Variants in NBAS observed in about 807,000 individuals in gnomAD.
The protein encoded by NBAS is NBAS subunit of NRZ tethering complex.
A neutral mutation model predicts 302.5 loss-of-function variants in NBAS; 219 were observed. The ratio of observed to expected loss-of-function variants is 0.72; its 90% CI spans 0.65 to 0.81. The LOEUF (loss-of-function observed/expected upper bound fraction) is 0.81, where lower values mean the gene tolerates loss of function less well. Among genes scored for constraint, NBAS ranks in the 30% least tolerant of loss-of-function variants. The pLI is 0.00. For synonymous variants in NBAS, 1,118 were observed against 1,021.6 expected (o/e 1.09, Z -1.80); for missense variants, 2,932 against 2,841.6 (o/e 1.03, Z -0.72).
intron 6 of NBAS, among the ~76,000 whole-genome samples, chr2:15,544,204 C>T (rs144908847): frequency 1.3e-3 from 195 of 152,152 alleles, no homozygotes; most frequent in African/African-American, 4.2e-3. Context: ...CAAGGGCAAA[C>T]TAGTGGGAGT....
At chr2:15,292,873 T>C (rs1022831851) in intron 40 of NBAS, 107 bp from the exon 41 acceptor site, 63 of 1,096,358 alleles carry the variant, frequency 5.7e-5, no homozygotes, top group Non-Finnish European at 8.1e-5. Flanking sequence ...TTTGGCCCTG[T>C]ACACTATTGC....
rs998498918 is a variant in NBAS, at chr2:15,394,124, T to A, written c.3257+103A>T. 4.8e-6 allele frequency: 6 copies of A among 1,252,966 alleles called. No individual in the cohort carries two copies. In the African/African-American group the frequency reaches 9.1e-5, roughly 19 times the overall value. 77.6% of individuals were successfully genotyped at this position (1,252,966 alleles called of 1,614,324 possible). A position where few individuals can be genotyped will look rare whatever the true frequency, so the allele number is the denominator to read the frequency against. On this transcript the variant is annotated intron_variant, in intron 28 of 51. Transcript: ENST00000281513. ...ATACTTACACTTTAAATATGTGCAG[T>A]TTATTATTAGTTATAACACAATGAG...
At chr2:15,283,778 C>T (rs887980651) in intron 42 of NBAS, among the ~76,000 whole-genome samples, 4 of 152,140 alleles carry the variant, frequency 2.6e-5, no homozygotes, top group South Asian at 2.1e-4. Context: ...CAGAAAACAG[C>T]GACTCGAAAG....
chr2:15,182,966 C>T (rs1664899312), intron 50 of NBAS, among the ~76,000 whole-genome samples: 1 of 152,032 alleles, frequency 6.6e-6, no homozygotes, highest in South Asian at 2.1e-4. Flanking sequence ...AAGGTGAGTA[C>T]TCTTAAGTAC....
rs146689204 is a variant in NBAS, at chr2:15,424,362, C to T, written c.2530G>A (p.Asp844Asn). ...TCCTCTGCTCTGGTCTGATACCAGTCCATAACCTTCTCCACCGTAAGCTGG... is the reference window on the plus strand; with the variant it reads ...TCCTCTGCTCTGGTCTGATACCAGTTCATAACCTTCTCCACCGTAAGCTGG... Reference protein sequence around the residue: ...MTQLTVEKVMDWYQTRAEEIE... With the variant: ...MTQLTVEKVMNWYQTRAEEIE... The change falls in exon 23 of 52, where the codon GAC becomes AAC. Residue 844 changes from aspartate to asparagine, a missense_variant. Transcript: ENST00000281513. 5.4e-5 allele frequency: 87 copies of T among 1,613,992 alleles called. 1 individual carries two copies. Among genetic ancestry groups the T allele is most frequent in the African/African-American group, 8.0e-5 (6 of 74,914 alleles).
At position 15,468,408 on chromosome 2, in the gene NBAS, T is replaced by C; in HGVS notation, c.1851A>G (p.Ala617=). Residue 617 remains alanine, a synonymous_variant, in exon 17 of 52, where the codon GCA becomes GCG. Coordinates refer to ENST00000281513, the MANE Select transcript of NBAS (RefSeq NM_015909.4). ...TGCCATCATCTGCTCCTTTCCCTAT[T>C]GCTAAAAGAGCCTCCAGGTCTGTGC... is the stretch of plus-strand genomic sequence containing the variant. ...LKGTDLEALL[A]IGKGADDGRF... The C allele has an allele frequency of 1.2e-6, 2 of 1,614,098 alleles. No homozygotes were observed. Among genetic ancestry groups the C allele is most frequent in the Non-Finnish European group, 8.5e-7 (1 of 1,179,978 alleles).
the NBAS span, among the ~76,000 whole-genome samples, chr2:15,153,751 T>C: frequency 2.0e-5 from 3 of 152,244 alleles, no homozygotes; most frequent in Non-Finnish European, 2.9e-5. Context: ...CTACGTGACC[T>C]TGGAAAATTC....
chr2:15,346,567 G>C (rs927138492), intron 35 of NBAS, among the ~76,000 whole-genome samples: 1 of 152,208 alleles, frequency 6.6e-6, no homozygotes, highest in East Asian at 1.9e-4. Flanking sequence ...ATGTAAATTA[G>C]TTCGATGATT....
At chr2:14,877,783 C>A in the NBAS span, among the ~76,000 whole-genome samples, 1 of 152,166 alleles carries the variant, frequency 6.6e-6, no homozygotes, top group Non-Finnish European at 1.5e-5. Context: ...AAGTCCTGGA[C>A]TTAATCCTCA....
At chr2:15,120,516 T>TAA in the NBAS span, among the ~76,000 whole-genome samples, 2 of 145,494 alleles carry the variant, frequency 1.4e-5, no homozygotes, top group African/African-American at 5.0e-5. Flanking sequence ...CTTTTCAGGT[T>TAA]AAAAAAAAAA....
chr2:15,300,405 A>C (rs1419972392), intron 40 of NBAS, among the ~76,000 whole-genome samples: 1 of 152,252 alleles, frequency 6.6e-6, no homozygotes, highest in Non-Finnish European at 1.5e-5. Flanking sequence ...CAAACTCAGC[A>C]GTGCTGTTTT....
chr2:15,427,407 C>G (rs1239853946), intron 22 of NBAS, among the ~76,000 whole-genome samples: 1 of 151,856 alleles, frequency 6.6e-6, no homozygotes, highest in Non-Finnish European at 1.5e-5. Context: ...TGCATACATA[C>G]CATAATTACA....
chr2:15,097,746 T>G, the NBAS span, among the ~76,000 whole-genome samples: 4 of 150,708 alleles, frequency 2.7e-5, no homozygotes, highest in South Asian at 8.3e-4. Context: ...CCTAACACCA[T>G]CATCCTGGGG....
chr2:15,317,042 T>C (rs1050602597), intron 38 of NBAS, among the ~76,000 whole-genome samples: 3 of 152,190 alleles, frequency 2.0e-5, no homozygotes, highest in Non-Finnish European at 2.9e-5. Context: ...GATCAGGCAG[T>C]AATATTCGCT....
At chr2:15,156,657 C>T in the NBAS span, among the ~76,000 whole-genome samples, 1 of 152,166 alleles carries the variant, frequency 6.6e-6, no homozygotes, top group Non-Finnish European at 1.5e-5. Context: ...AAAGGCCCCA[C>T]CTCTGAATAC....
chr2:15,278,556 C>A (rs1669689909), intron 42 of NBAS, among the ~76,000 whole-genome samples: 1 of 152,060 alleles, frequency 6.6e-6, no homozygotes, highest in Non-Finnish European at 1.5e-5. Flanking sequence ...AGGAAACATT[C>A]AATATATGTA....
chr2:15,024,656 C>A, the NBAS span, among the ~76,000 whole-genome samples: 2 of 152,076 alleles, frequency 1.3e-5, no homozygotes, highest in Non-Finnish European at 2.9e-5. Context: ...TGATAATAGC[C>A]ATTTTTTGAC....
the NBAS span, among the ~76,000 whole-genome samples, chr2:14,833,470 G>A: frequency 2.0e-5 from 3 of 151,958 alleles, no homozygotes; most frequent in Admixed American, 6.6e-5. Flanking sequence ...CTGTTATAGT[G>A]AGGACTAGAA....
chr2:14,910,847 T>C, the NBAS span, among the ~76,000 whole-genome samples: 1 of 152,220 alleles, frequency 6.6e-6, no homozygotes, highest in Non-Finnish European at 1.5e-5. Flanking sequence ...GAAGGCAGGC[T>C]TTCAAAATAA....
Sources: gnomAD v4.1 joint callset for allele counts (sites outside exome capture counted in the v4.1 genomes callset) on GRCh38, gnomAD v4.1.1 for gene constraint, MANE v1.5 for transcripts, NCBI Gene and HGNC (gene_info 2026-07-23, HGNC 2026-07-21) for gene names.